Variants in WARS2 observed in about 807,000 individuals in gnomAD.
WARS2 encodes the protein tryptophan--tRNA ligase, mitochondrial.
Under a neutral mutation model 36.5 loss-of-function variants are expected in WARS2, and 28 were observed. The observed-to-expected ratio is 0.77, with a 90% CI of 0.57 to 1.05. The LOEUF is 1.05. Ranked by LOEUF, WARS2 falls within the 50% of genes least tolerant of loss-of-function variation. The probability of loss-of-function intolerance (pLI) is 0.00; values close to 1 mark genes in which losing one functional copy is unlikely to be tolerated. For missense variants in WARS2, 435 were observed against 456.8 expected (o/e 0.95, Z 0.44); for synonymous variants, 174 against 178.4 (o/e 0.98, Z 0.20).
At chr1:119,096,790 A>T (rs1653472267) in intron 1 of WARS2, among the ~76,000 whole-genome samples, 1 of 152,206 alleles carries the variant, frequency 6.6e-6, no homozygotes, top group African/African-American at 2.4e-5. Context: ...GTTTCCATTT[A>T]AAAAATCAAA....
intron 2 of WARS2, among the ~76,000 whole-genome samples, chr1:119,055,075 G>A (rs1571284614): frequency 6.6e-6 from 1 of 152,090 alleles, no homozygotes; most frequent in Non-Finnish European, 1.5e-5. Context: ...TTTTAAAAAG[G>A]TATATAAAAA....
intron 1 of WARS2, chr1:119,127,202 C>T: frequency 1.4e-6 from 1 of 728,702 alleles, no homozygotes; most frequent in Non-Finnish European, 2.5e-6. Flanking sequence ...TCACATCATA[C>T]CAATCCTTCT....
intron 2 of WARS2, among the ~76,000 whole-genome samples, chr1:119,046,886 G>A (rs990198807): frequency 6.6e-5 from 10 of 151,980 alleles, no homozygotes; most frequent in Non-Finnish European, 1.5e-4. Flanking sequence ...GAACATAAAG[G>A]AGTGGAGCTG....
intron 4 of WARS2, among the ~76,000 whole-genome samples, chr1:119,041,528 C>T (rs536865821): frequency 9.2e-5 from 14 of 152,272 alleles, no homozygotes; most frequent in Non-Finnish European, 1.9e-4. Flanking sequence ...AACTTGCTCT[C>T]AACCTGTAGG....
chr1:119,061,359 A>AT (rs1042782350), intron 2 of WARS2, among the ~76,000 whole-genome samples: 2 of 152,158 alleles, frequency 1.3e-5, no homozygotes, highest in Non-Finnish European at 2.9e-5. Flanking sequence ...CAGCAGATAA[A>AT]TTTTTTAAAC....
chr1:119,079,634 G>C (rs750704763), intron 1 of WARS2, among the ~76,000 whole-genome samples: 3 of 152,100 alleles, frequency 2.0e-5, no homozygotes, highest in Non-Finnish European at 4.4e-5. Context: ...TGATATGTGA[G>C]TGCCAAGGTT....
At chr1:119,071,108 G>A (rs1393629051) in intron 2 of WARS2, among the ~76,000 whole-genome samples, 7 of 152,234 alleles carry the variant, frequency 4.6e-5, no homozygotes, top group South Asian at 4.2e-4. Flanking sequence ...GTTTGAACCC[G>A]GGAGGCAGAG....
At chr1:119,060,358 A>G (rs544042574) in intron 2 of WARS2, among the ~76,000 whole-genome samples, 1 of 152,300 alleles carries the variant, frequency 6.6e-6, no homozygotes, top group Non-Finnish European at 1.5e-5. Context: ...TCATGCTATA[A>G]CCCCACATGG....
At chr1:119,089,046 A>C (rs1195488075) in intron 1 of WARS2, among the ~76,000 whole-genome samples, 1 of 152,218 alleles carries the variant, frequency 6.6e-6, no homozygotes, top group East Asian at 1.9e-4. Context: ...GATGCCAGTA[A>C]TTCTTATATA....
intron 1 of WARS2, among the ~76,000 whole-genome samples, chr1:119,088,890 T>C (rs961278416): frequency 9.9e-5 from 15 of 152,206 alleles, no homozygotes; most frequent in Admixed American, 7.9e-4. Context: ...ATGTCCCTGC[T>C]TGGCAAACTC....
chr1:119,059,729 G>A (rs921619877), intron 2 of WARS2, among the ~76,000 whole-genome samples: 8 of 152,220 alleles, frequency 5.3e-5, no homozygotes, highest in South Asian at 2.1e-4. Flanking sequence ...TTTTCATTGC[G>A]ATTGTGAGAA....
At chr1:119,090,129 G>GA (rs71070784) in intron 1 of WARS2, among the ~76,000 whole-genome samples, 7,291 of 139,760 alleles carry the variant, frequency 0.052, 228 homozygotes, top group Non-Finnish European at 0.079. Flanking sequence ...CTTTAAAGTT[G>GA]AAAAAAAAAA....
chr1:119,131,633 G>C (rs1656119299), intron 1 of WARS2, among the ~76,000 whole-genome samples: 1 of 152,004 alleles, frequency 6.6e-6, no homozygotes, highest in South Asian at 2.1e-4. Context: ...CGGCTAATTT[G>C]TTTGTTTTTA....
At chr1:119,068,278 A>G (rs1651031299) in intron 2 of WARS2, among the ~76,000 whole-genome samples, 1 of 152,312 alleles carries the variant, frequency 6.6e-6, no homozygotes, top group Middle Eastern at 3.4e-3. Context: ...CTCTCTGTCC[A>G]GTTTAAGGCC....
intron 1 of WARS2, among the ~76,000 whole-genome samples, chr1:119,093,189 T>C (rs1653163241): frequency 6.6e-6 from 1 of 152,212 alleles, no homozygotes; most frequent in Non-Finnish European, 1.5e-5. Flanking sequence ...AAATATAGGG[T>C]TCAAGTTTTA....
chr1:119,129,598 T>G (rs1337964968), intron 1 of WARS2, among the ~76,000 whole-genome samples: 3 of 151,994 alleles, frequency 2.0e-5, no homozygotes, highest in Non-Finnish European at 4.4e-5. Flanking sequence ...TAGCCCCAGC[T>G]ACGCAGGAAG....
chr1:119,088,256 T>A (rs957445093), intron 1 of WARS2, among the ~76,000 whole-genome samples: 1 of 152,136 alleles, frequency 6.6e-6, no homozygotes, highest in Admixed American at 6.5e-5. Context: ...AAAATACTGA[T>A]GCCTGGGCAC....
intron 3 of WARS2, among the ~76,000 whole-genome samples, chr1:119,043,662 A>G (rs774328423): frequency 1.3e-4 from 20 of 152,246 alleles, no homozygotes; most frequent in Non-Finnish European, 2.8e-4. Flanking sequence ...CCAGGTAAAG[A>G]TAATGAAAGT....
intron 1 of WARS2, among the ~76,000 whole-genome samples, chr1:119,097,873 T>C (rs1263049860): frequency 6.6e-6 from 1 of 152,156 alleles, no homozygotes; most frequent in East Asian, 1.9e-4. Context: ...CCATGATGGA[T>C]GAAGATAGAG....
Sources: allele counts gnomAD v4.1 joint callset (sites outside exome capture counted in the v4.1 genomes callset), GRCh38; gene constraint gnomAD v4.1.1; transcripts MANE v1.5; gene names NCBI Gene and HGNC (gene_info 2026-07-23, HGNC 2026-07-21).